ZNF69: variants seen among roughly 807,000 people sequenced by gnomAD.
ZNF69 encodes the protein ZNF3.
A neutral mutation model predicts 50.9 loss-of-function variants in ZNF69; 47 were observed. The observed-to-expected ratio is 0.92, with a 90% CI of 0.73 to 1.18. ZNF69 has a LOEUF of 1.18. ZNF69 is among the 50% of genes most tolerant of loss of function. The probability of loss-of-function intolerance (pLI) is 0.00; values close to 1 mark genes in which losing one functional copy is unlikely to be tolerated. For missense variants in ZNF69, 717 were observed against 675.1 expected (o/e 1.06, Z -0.69); for synonymous variants, 216 against 223.1 (o/e 0.97, Z 0.29).
chr19:11,970,470 A>T, the ZNF69 span, among the ~76,000 whole-genome samples: 1 of 152,264 alleles, frequency 6.6e-6, no homozygotes, highest in Non-Finnish European at 1.5e-5. Flanking sequence ...ACATATAAAT[A>T]AAAGAATTCA....
At chr19:11,902,135 G>A (rs1214532179) in intron 1 of ZNF69, among the ~76,000 whole-genome samples, 2 of 151,766 alleles carry the variant, frequency 1.3e-5, no homozygotes, top group African/African-American at 2.4e-5. Flanking sequence ...GGCATGTGCC[G>A]CCATGCCCGG....
the ZNF69 span, chr19:11,976,782 C>A: frequency 9.9e-7 from 1 of 1,008,104 alleles, no homozygotes; most frequent in Non-Finnish European, 1.3e-6. Context: ...AGGAGAATCG[C>A]TTGAACCCCG....
chr19:11,953,029 A>T, the ZNF69 span: 2 of 152,204 alleles, frequency 1.3e-5, no homozygotes, highest in Non-Finnish European at 2.9e-5. Context: ...AACTGAGATC[A>T]CGCCACTGCA....
the ZNF69 span, chr19:11,979,859 C>G: frequency 6.7e-7 from 1 of 1,497,384 alleles, no homozygotes; most frequent in Non-Finnish European, 9.3e-7. Flanking sequence ...TGAAAGGACA[C>G]AAACACACGT....
At chr19:11,901,910 T>C (rs1036623002) in intron 1 of ZNF69, among the ~76,000 whole-genome samples, 1 of 152,200 alleles carries the variant, frequency 6.6e-6, no homozygotes, top group African/African-American at 2.4e-5. Flanking sequence ...TGAATTCTAT[T>C]GTATTTTGCT....
At chr19:11,911,758 G>T (rs1035705891) in intron 4 of ZNF69, among the ~76,000 whole-genome samples, 1 of 151,912 alleles carries the variant, frequency 6.6e-6, no homozygotes, top group Non-Finnish European at 1.5e-5. Context: ...AACATGGCAC[G>T]TGTATACATA....
chr19:11,925,334 C>T, the ZNF69 span: 5 of 1,597,244 alleles, frequency 3.1e-6, no homozygotes, highest in Admixed American at 1.7e-5. Flanking sequence ...CAGGCGGGAA[C>T]CGGCTGTGGC....
chr19:11,890,216 G>A (rs1394021526), intron 1 of ZNF69, among the ~76,000 whole-genome samples: 1 of 152,158 alleles, frequency 6.6e-6, no homozygotes, highest in Non-Finnish European at 1.5e-5. Context: ...GGATGGTAAG[G>A]TCTTTCCTTT....
At chr19:11,920,972 C>G in the ZNF69 span, among the ~76,000 whole-genome samples, 3 of 152,046 alleles carry the variant, frequency 2.0e-5, no homozygotes, top group East Asian at 3.9e-4. Flanking sequence ...CAAGTTACAG[C>G]TCTACCCTCC....
chr19:11,923,626 G>T, the ZNF69 span, among the ~76,000 whole-genome samples: 1 of 152,224 alleles, frequency 6.6e-6, no homozygotes, highest in Non-Finnish European at 1.5e-5. Context: ...GAGTCCCTCA[G>T]CTGCCACCTC....
At chr19:11,910,205 G>A (rs535849195), downstream of ZNF69, among the ~76,000 whole-genome samples, 4 of 152,204 alleles carry the variant, frequency 2.6e-5, no homozygotes, top group South Asian at 4.1e-4. Context: ...TTCCATGCTC[G>A]TGGATAGGAA....
chr19:11,948,236 G>A, the ZNF69 span: 5 of 1,591,584 alleles, frequency 3.1e-6, no homozygotes, highest in East Asian at 2.2e-5. Flanking sequence ...AGAAGTACTT[G>A]TAAACAAACC....
Position 11,905,456 on chromosome 19 carries a change from G to A in ZNF69, c.1059G>A (p.Met353Ile), listed in dbSNP as rs529900650. ...CAAGTTTTCAAACACACATAAGAAT[G>A]CACTCTGGAGAAAGACCTTATGAAT... is the stretch of plus-strand genomic sequence containing the variant. Reference protein sequence around the residue: ...SLTSFQTHIRMHSGERPYECK... With the variant: ...SLTSFQTHIRIHSGERPYECK... Residue 353 changes from methionine to isoleucine, a missense_variant, in exon 4 of 4, where the codon ATG (methionine) becomes ATA (isoleucine). Met to Ile is a conservative substitution (Grantham distance 10). Transcript: ENST00000429654. 2 of 1,614,146 alleles carry A rather than the reference G, an allele frequency of 1.2e-6. No individual in the cohort carries two copies. The highest frequency in any genetic ancestry group is 1.1e-5 in the South Asian group (1 of 91,078).
At chr19:11,902,720 T>C (rs1288386763) in intron 1 of ZNF69, among the ~76,000 whole-genome samples, 1 of 151,346 alleles carries the variant, frequency 6.6e-6, no homozygotes, top group African/African-American at 2.4e-5. Context: ...CCTACATGCT[T>C]CCTCTGACAA....
the ZNF69 span, chr19:11,925,052 G>C: frequency 1.4e-6 from 1 of 700,800 alleles, no homozygotes. Context: ...TCCAATCAGA[G>C]GTGCTGGGGC....
At chr19:11,947,478 C>G in the ZNF69 span, 10 of 1,606,242 alleles carry the variant, frequency 6.2e-6, no homozygotes, top group South Asian at 9.0e-5. Context: ...CAATTTTATA[C>G]TGCTTCAGGA....
At chr19:11,948,437 A>G in the ZNF69 span, 3 of 1,614,104 alleles carry the variant, frequency 1.9e-6, no homozygotes, top group Non-Finnish European at 1.7e-6. Context: ...GGCATAGGTA[A>G]CTCATCTTTT....
the ZNF69 span, among the ~76,000 whole-genome samples, chr19:11,964,146 C>A: frequency 2.4e-4 from 37 of 152,328 alleles, no homozygotes; most frequent in East Asian, 6.6e-3. Flanking sequence ...TCCCTGGGGT[C>A]TTCCCGGGCA....
rs1240731250 is a variant in ZNF69, at chr19:11,905,121, C to A, written c.724C>A (p.His242Asn). 1 of 1,614,174 alleles carries A rather than the reference C, an allele frequency of 6.2e-7. No individual in the cohort carries two copies. Among genetic ancestry groups the A allele is most frequent in the South Asian group, 1.1e-5 (1 of 91,082 alleles). Residue 242 changes from histidine to asparagine, a missense_variant, in exon 4 of 4, where the codon CAC (histidine) becomes AAC (asparagine). Coordinates refer to ENST00000429654, the MANE Select transcript of ZNF69 (RefSeq NM_001364730.1). ...TTTATATCTTATCCATGAAAGAATT[C>A]ACACTGGAGAGAAACCATATGAATG... Reference protein sequence around the residue: ...LSLYLIHERIHTGEKPYECKQ... With the variant: ...LSLYLIHERINTGEKPYECKQ...
Sources: gnomAD v4.1 joint callset for allele counts (sites outside exome capture counted in the v4.1 genomes callset) on GRCh38, gnomAD v4.1.1 for gene constraint, MANE v1.5 for transcripts, NCBI Gene and HGNC (gene_info 2026-07-23, HGNC 2026-07-21) for gene names.